WASF3: variants seen among roughly 807,000 people sequenced by gnomAD.
The protein encoded by WASF3 is actin-binding protein WASF3.
In WASF3, 11 loss-of-function variants were observed where a neutral mutation model predicts 46.6. That is an observed-to-expected ratio of 0.24 (90% CI 0.15 to 0.39). The LOEUF (loss-of-function observed/expected upper bound fraction) is 0.39, where lower values mean the gene tolerates loss of function less well. WASF3 is among the 10% of genes least tolerant of loss of function. The probability of loss-of-function intolerance (pLI) is 1.00; values close to 1 mark genes in which losing one functional copy is unlikely to be tolerated. For synonymous variants in WASF3, 242 were observed against 259.7 expected, an observed-to-expected ratio of 0.93 and a Z score of 0.65; for missense variants, 576 against 669.8, an observed-to-expected ratio of 0.86 and a Z score of 1.55.
intron 4 of WASF3, 87 bp from the exon 5 acceptor site, chr13:26,667,430 T>G: frequency 8.0e-7 from 1 of 1,246,438 alleles, no homozygotes; most frequent in Non-Finnish European, 1.1e-6. Flanking sequence ...CTAGGAGGTG[T>G]TTTTAATTGT....
chr13:26,615,629 T>C (rs1257333159), intron 2 of WASF3, among the ~76,000 whole-genome samples: 2 of 152,172 alleles, frequency 1.3e-5, no homozygotes, highest in Non-Finnish European at 2.9e-5. Context: ...TTTAAACTGC[T>C]TTATTGTGGA....
Position 26,685,724 on chromosome 13 carries a change from A to G in WASF3, c.1388A>G (p.Gln463Arg). 6.2e-7 allele frequency: 1 copy of G among 1,613,242 alleles called. No individual in the cohort carries two copies. Residue 463 changes from glutamine (Q) to arginine (R), a missense_variant, in exon 10 of 10, where the codon CAG becomes CGG. Transcript: ENST00000335327. ...QLKKVQEQRE[Q>R]EAKREPVGND... ...AAAAAGGTGCAGGAGCAGCGGGAGC[A>G]GGAGGCCAAGCGGGAGCCAGTGGGG...
At chr13:26,683,096 A>AG in intron 9 of WASF3, 122 bp downstream of exon 9, 1 of 1,362,072 alleles carries the variant, frequency 7.3e-7, no homozygotes, top group Non-Finnish European at 9.8e-7. Flanking sequence ...ATAGAGTTAA[A>AG]GGGGTCTTAC....
intron 3 of WASF3, among the ~76,000 whole-genome samples, chr13:26,664,489 G>A (rs1882716385): frequency 6.6e-6 from 1 of 152,170 alleles, no homozygotes; most frequent in Admixed American, 6.5e-5. Context: ...ATTTAACTCA[G>A]AATTCAAAAT....
intron 2 of WASF3, chr13:26,638,553 A>T (rs998515420): frequency 6.6e-6 from 1 of 152,200 alleles, no homozygotes; most frequent in African/African-American, 2.4e-5. Context: ...GGCGTACTTA[A>T]GTATTCTGTT....
At chr13:26,637,783 C>G (rs746824375) in intron 2 of WASF3, among the ~76,000 whole-genome samples, 1 of 152,232 alleles carries the variant, frequency 6.6e-6, no homozygotes, top group Non-Finnish European at 1.5e-5. Context: ...GTGCCAGGGA[C>G]TACCCTCCTA....
At chr13:26,612,432 C>A (rs1232578902) in intron 1 of WASF3, among the ~76,000 whole-genome samples, 1 of 152,178 alleles carries the variant, frequency 6.6e-6, no homozygotes, top group Non-Finnish European at 1.5e-5. Context: ...CTGGAAACAC[C>A]TTCTAGGGCG....
chr13:26,574,192 C>T (rs1879722910), intron 1 of WASF3, among the ~76,000 whole-genome samples: 1 of 152,206 alleles, frequency 6.6e-6, no homozygotes, highest in Admixed American at 6.5e-5. Context: ...GCTATATTCT[C>T]TGTTACCAGA....
At chr13:26,651,434 T>C (rs1397152184) in intron 3 of WASF3, among the ~76,000 whole-genome samples, 1 of 152,152 alleles carries the variant, frequency 6.6e-6, no homozygotes, top group Non-Finnish European at 1.5e-5. Context: ...AAGGGAACAA[T>C]GTTAAGGATG....
At chr13:26,539,634 G>A in the WASF3 span, among the ~76,000 whole-genome samples, 3 of 152,128 alleles carry the variant, frequency 2.0e-5, no homozygotes, top group Non-Finnish European at 4.4e-5. Flanking sequence ...AACCACTGCT[G>A]TAGCCCCTTA....
the WASF3 span, among the ~76,000 whole-genome samples, chr13:26,550,514 G>A: frequency 6.6e-6 from 1 of 152,152 alleles, no homozygotes; most frequent in African/African-American, 2.4e-5. Flanking sequence ...TTATATAAGG[G>A]AAATGGGGGC....
intron 2 of WASF3, among the ~76,000 whole-genome samples, chr13:26,639,077 T>TA (rs1881917060): frequency 1.3e-5 from 2 of 152,224 alleles, no homozygotes; most frequent in Admixed American, 6.5e-5. Flanking sequence ...ACCTCTTCTC[T>TA]TTATAAACTA....
chr13:26,657,248 G>A (rs1026680476), intron 3 of WASF3, among the ~76,000 whole-genome samples: 2 of 152,180 alleles, frequency 1.3e-5, no homozygotes, highest in Admixed American at 1.3e-4. Flanking sequence ...GATGATACAC[G>A]GGGTAGAGCG....
rs772271584 is a variant in WASF3 at position 26,676,721 on chromosome 13, C to A, written c.713C>A (p.Thr238Asn). ...TCCGAGGGATCCCTGTCCCCAGATA[C>A]TAGGTGTGTGTGTGTCACTGCTCCC... Reference protein sequence around the residue: ...ASSEGSLSPDTRSHASDVTDY... With the variant: ...ASSEGSLSPDNRSHASDVTDY... Residue 238 changes from threonine to asparagine, a missense_variant, in exon 7 of 10, where the codon ACT becomes AAT. Physicochemically the swap from Thr to Asn is moderately conservative, Grantham distance 65 (BLOSUM62 0). Coordinates refer to ENST00000335327, the MANE Select transcript of WASF3 (RefSeq NM_006646.6). 4 of 1,613,148 alleles carry A rather than the reference C, an allele frequency of 2.5e-6. No homozygotes were observed. The African/African-American group carries it at 4.0e-5, about 16-fold the overall frequency.
intron 2 of WASF3, among the ~76,000 whole-genome samples, chr13:26,640,027 C>G (rs1881948046): frequency 6.6e-6 from 1 of 151,896 alleles, no homozygotes; most frequent in Non-Finnish European, 1.5e-5. Context: ...AGAGCCACAT[C>G]GAGGAGGTGA....
chr13:26,547,459 T>A, the WASF3 span, among the ~76,000 whole-genome samples: 21 of 152,106 alleles, frequency 1.4e-4, 1 homozygote, highest in African/African-American at 5.1e-4. Flanking sequence ...TGGGGCTATC[T>A]ATCCAGAATT....
chr13:26,671,554 C>T (rs1393463785), intron 5 of WASF3, among the ~76,000 whole-genome samples: 1 of 152,020 alleles, frequency 6.6e-6, no homozygotes, highest in Non-Finnish European at 1.5e-5. Context: ...CAAAAAATTT[C>T]CTGAAGTGAT....
chr13:26,574,443 AT>A (rs745699355), intron 1 of WASF3, among the ~76,000 whole-genome samples: 31 of 151,978 alleles, frequency 2.0e-4, no homozygotes, highest in Non-Finnish European at 3.4e-4. Context: ...AGTTAGGACT[AT>A]TCAGATAACT....
At chr13:26,570,316 A>G (rs1043712604) in intron 1 of WASF3, among the ~76,000 whole-genome samples, 3 of 152,072 alleles carry the variant, frequency 2.0e-5, no homozygotes, top group African/African-American at 7.2e-5. Context: ...CACCTTGATC[A>G]TTTGTTTTAG....
Sources: gnomAD v4.1 joint callset for allele counts (sites outside exome capture counted in the v4.1 genomes callset) on GRCh38, gnomAD v4.1.1 for gene constraint, MANE v1.5 for transcripts, NCBI Gene and HGNC (gene_info 2026-07-23, HGNC 2026-07-21) for gene names.